SCAMP1: variants seen among roughly 807,000 people sequenced by gnomAD.
The protein encoded by SCAMP1 is secretory carrier membrane protein 1, also known as secretory carrier-associated membrane protein 1.
SCAMP1 carries 15 observed loss-of-function variants against 41.8 expected under a neutral mutation model. The ratio of observed to expected loss-of-function variants is 0.36; its 90% CI spans 0.24 to 0.55. The LOEUF (loss-of-function observed/expected upper bound fraction) is 0.55, where lower values mean the gene tolerates loss of function less well. Ranked by LOEUF, SCAMP1 falls within the 20% of genes least tolerant of loss-of-function variation. The pLI is 0.86. For missense variants in SCAMP1, 341 were observed against 412.6 expected (o/e 0.83, Z 1.50); for synonymous variants, 135 against 136.8 (o/e 0.99, Z 0.09).
At chr5:78,432,260 T>G (rs908206757) in intron 6 of SCAMP1, among the ~76,000 whole-genome samples, 2 of 152,172 alleles carry the variant, frequency 1.3e-5, no homozygotes, top group African/African-American at 4.8e-5. Flanking sequence ...ACATTGGCCT[T>G]TATTAATACC....
intron 8 of SCAMP1, among the ~76,000 whole-genome samples, chr5:78,461,258 T>C (rs1025393496): frequency 6.6e-6 from 1 of 152,244 alleles, no homozygotes; most frequent in Admixed American, 6.5e-5. Flanking sequence ...TCTAGGCCAA[T>C]GTCTAGAAGA....
chr5:78,376,717 T>C (rs1242240096), intron 1 of SCAMP1, among the ~76,000 whole-genome samples: 2 of 152,196 alleles, frequency 1.3e-5, no homozygotes, highest in East Asian at 1.9e-4. Flanking sequence ...TTATGAAGAA[T>C]AGATTGGCAT....
intron 6 of SCAMP1, among the ~76,000 whole-genome samples, chr5:78,444,335 A>G (rs1753002400): frequency 6.6e-6 from 1 of 152,226 alleles, no homozygotes; most frequent in African/African-American, 2.4e-5. Flanking sequence ...CCTCACAATC[A>G]TGGCAGAAGG....
At position 78,472,868 on chromosome 5, in the gene SCAMP1, C is replaced by CATGT. The variant is rs1753918614; in HGVS notation, c.853-2633_853-2632insTATG. Among the ~76,000 whole-genome samples, 3 of 152,238 alleles carry CATGT rather than the reference C, an allele frequency of 2.0e-5. No homozygotes were observed. In the South Asian group the frequency reaches 6.2e-4, roughly 32 times the overall value. ...AATAAGAATTAACATTTATTTATTA[C>CATGT]ATGCTCACAAACTTGGGGGAAGAGG... On this transcript the variant is annotated intron_variant, in intron 8 of 8. Coordinates refer to ENST00000621999, the MANE Select transcript of SCAMP1 (RefSeq NM_004866.6).
chr5:78,462,607 G>A (rs1467561105), intron 8 of SCAMP1, among the ~76,000 whole-genome samples: 1 of 152,108 alleles, frequency 6.6e-6, no homozygotes, highest in Non-Finnish European at 1.5e-5. Context: ...ACAGGTGTGA[G>A]CCACCACACC....
chr5:78,400,235 A>G (rs1751764085), intron 2 of SCAMP1, among the ~76,000 whole-genome samples: 2 of 152,134 alleles, frequency 1.3e-5, no homozygotes, highest in African/African-American at 4.8e-5. Context: ...TGTTTTTCTA[A>G]TCTTTTGTCA....
intron 1 of SCAMP1, among the ~76,000 whole-genome samples, chr5:78,381,520 A>T (rs75282237): frequency 0.02 from 3,034 of 152,302 alleles, 116 homozygotes; most frequent in African/African-American, 0.068. Flanking sequence ...TAAGTTGAAA[A>T]TTTTGATTAA....
intron 8 of SCAMP1, among the ~76,000 whole-genome samples, chr5:78,464,959 G>C (rs1247885616): frequency 1.3e-5 from 2 of 152,146 alleles, no homozygotes; most frequent in Non-Finnish European, 2.9e-5. Context: ...AATACATCAT[G>C]TACATTCCTT....
chr5:78,380,732 A>G (rs1317105264), intron 1 of SCAMP1, among the ~76,000 whole-genome samples: 2 of 152,170 alleles, frequency 1.3e-5, no homozygotes, highest in Non-Finnish European at 1.5e-5. Context: ...TAAGAAGAAA[A>G]AAAGATCACT....
chr5:78,456,348 T>C (rs1433970678), intron 7 of SCAMP1, among the ~76,000 whole-genome samples: 2 of 152,158 alleles, frequency 1.3e-5, no homozygotes, highest in Admixed American at 6.5e-5. Context: ...ATGTTTAGCG[T>C]TTCCTTCAGG....
intron 2 of SCAMP1, among the ~76,000 whole-genome samples, chr5:78,399,881 G>A (rs1484116856): frequency 6.6e-6 from 1 of 152,064 alleles, no homozygotes; most frequent in Non-Finnish European, 1.5e-5. Context: ...GGTCAATTAA[G>A]TTTTCTCCTG....
At chr5:78,431,803 A>G (rs954658225) in intron 6 of SCAMP1, among the ~76,000 whole-genome samples, 11 of 151,922 alleles carry the variant, frequency 7.2e-5, no homozygotes, top group African/African-American at 2.4e-4. Flanking sequence ...AGAAACACAC[A>G]GTACATTACC....
chr5:78,391,900 G>A (rs1160138414), intron 2 of SCAMP1, among the ~76,000 whole-genome samples: 65 of 152,140 alleles, frequency 4.3e-4, no homozygotes, highest in Admixed American at 4.1e-3. Context: ...GCAGGCACTC[G>A]GCAGGCTGAG....
chr5:78,469,803 C>A (rs1045718282), intron 8 of SCAMP1, among the ~76,000 whole-genome samples: 1 of 146,674 alleles, frequency 6.8e-6, no homozygotes, highest in Non-Finnish European at 1.5e-5. Flanking sequence ...GTTTGGGGGG[C>A]CGAGGCAAGA....
intron 5 of SCAMP1, among the ~76,000 whole-genome samples, chr5:78,420,578 T>C (rs1220695641): frequency 6.6e-6 from 1 of 152,184 alleles, no homozygotes; most frequent in Admixed American, 6.5e-5. Context: ...GTGATAGAAT[T>C]GAATGGGATT....
chr5:78,472,582 C>G (rs910248083), intron 8 of SCAMP1, among the ~76,000 whole-genome samples: 2 of 151,992 alleles, frequency 1.3e-5, no homozygotes, highest in African/African-American at 4.8e-5. Context: ...AATCAAGAAT[C>G]CACCCTTTTT....
chr5:78,389,022 G>A, intron 2 of SCAMP1, 108 bp downstream of exon 2: 1 of 555,080 alleles, frequency 1.8e-6, no homozygotes, highest in Non-Finnish European at 3.1e-6. Flanking sequence ...AAAACAAATT[G>A]TTAATGTTTT....
chr5:78,421,833 G>C lies in SCAMP1; in HGVS notation c.505G>C (p.Gly169Arg). The change falls in exon 6 of 9, where the codon GGA (glycine) becomes CGA (arginine). Residue 169 changes from glycine to arginine, a missense_variant. Physicochemically the swap from Gly to Arg is moderately radical, Grantham distance 125. Transcript: ENST00000621999. ...HAVTLFLNIF[G>R]CLAWFCVDSA... The stretch of plus-strand genomic sequence containing the variant: ...AGTAACACTGTTTCTAAATATCTTC[G>C]GATGCTTGGCTTGGTTTTGTGTTGA... The C allele has an allele frequency of 2.5e-6, 4 of 1,613,564 alleles. No individual in the cohort carries two copies. The highest frequency in any genetic ancestry group is 3.4e-6 in the Non-Finnish European group (4 of 1,179,758).
rs779428769 is a variant in SCAMP1, at chr5:78,360,708, G to T, written c.37G>T (p.Asp13Tyr). ...CGACAGTAACCCGTTTGCCGACCCG[G>T]ATCTCAACAATCCCTTCAAGGTGAG... ...DFDSNPFADP[D>Y]LNNPFKDPSV... is the part of the protein sequence containing the mutation. The change falls in exon 1 of 9, where the codon GAT (aspartate) becomes TAT (tyrosine). Residue 13 changes from aspartate (D) to tyrosine (Y), a missense_variant. By Grantham distance (160) the Asp-to-Tyr change is radical. Transcript: ENST00000621999. The T allele has an allele frequency of 1.9e-6, 3 of 1,610,462 alleles. No individual in the cohort carries two copies. Among genetic ancestry groups the T allele is most frequent in the Non-Finnish European group, 2.5e-6 (3 of 1,178,646 alleles).
Sources: allele counts gnomAD v4.1 joint callset (sites outside exome capture counted in the v4.1 genomes callset), GRCh38; gene constraint gnomAD v4.1.1; transcripts MANE v1.5; gene names NCBI Gene and HGNC (gene_info 2026-07-23, HGNC 2026-07-21).